The following CSMD1 variants were observed in gnomAD, a reference collection of about 807,000 sequenced individuals.
CSMD1 encodes the protein CUB and Sushi multiple domains 1.
Under a neutral mutation model 417.5 loss-of-function variants are expected in CSMD1, and 213 were observed. The observed-to-expected ratio is 0.51, with a 90% confidence interval of 0.46 to 0.57. The LOEUF is 0.57. Among genes scored for constraint, CSMD1 ranks in the 20% least tolerant of loss-of-function variants. CSMD1 has a pLI of 0.00. For missense variants in CSMD1, 6,923 were observed against 4,529.7 expected (o/e 1.53, Z -15.17); for synonymous variants, 2,862 against 1,736.8 (o/e 1.65, Z -16.11).
chr8:4,276,206 G>C lies in CSMD1; in HGVS notation c.415+143747C>G, dbSNP rs559692195. Among the ~76,000 whole-genome samples the C allele has an allele frequency of 5.9e-5, 9 of 152,154 alleles. No individual in the cohort carries two copies. In the South Asian group the frequency reaches 1.5e-3, roughly 25 times the overall value. ...TTGCAGCACTGTTCACAATAGCAAAGACCTGGAACTAACGCAAATGCCCAT... is the reference window on the plus strand; with the variant it reads ...TTGCAGCACTGTTCACAATAGCAAACACCTGGAACTAACGCAAATGCCCAT... On this transcript the variant is annotated intron_variant, in intron 3 of 69. Coordinates refer to ENST00000635120, the MANE Select transcript of CSMD1 (RefSeq NM_033225.6).
At chr8:3,182,841 G>GGGGGGTGTGTGTGTGTGTGTGTGTGT (rs768081848) in intron 36 of CSMD1, 7 of 11,478 alleles carry the variant, frequency 6.1e-4, no homozygotes, top group South Asian at 8.1e-3. Flanking sequence ...TTTATAAGAA[G>GGGGGGTGTGTGTGTGTGTGTGTGTGT]GTGTGTGTGT....
chr8:3,225,137 C>T (rs775898101), intron 27 of CSMD1, among the ~76,000 whole-genome samples: 1 of 152,154 alleles, frequency 6.6e-6, no homozygotes, highest in Admixed American at 6.5e-5. Flanking sequence ...GATGAAGGAA[C>T]ATGCTTCACA....
intron 3 of CSMD1, among the ~76,000 whole-genome samples, chr8:4,083,873 G>A (rs890491942): frequency 1.1e-4 from 16 of 152,240 alleles, no homozygotes; most frequent in African/African-American, 3.4e-4. Context: ...CTTCTGCACA[G>A]CAAAAGAAAC....
chr8:4,119,522 G>A (rs1802356884), intron 3 of CSMD1, among the ~76,000 whole-genome samples: 2 of 152,150 alleles, frequency 1.3e-5, no homozygotes, highest in Admixed American at 6.5e-5. Context: ...TAGGTGGGGT[G>A]CTTGGGAAAT....
chr8:3,506,805 T>C (rs1383190808), intron 10 of CSMD1, among the ~76,000 whole-genome samples: 1 of 152,216 alleles, frequency 6.6e-6, no homozygotes, highest in Non-Finnish European at 1.5e-5. Flanking sequence ...ACCTGGATTT[T>C]TTAAATGCTT....
At chr8:3,232,367 C>G (rs1231679312) in intron 26 of CSMD1, among the ~76,000 whole-genome samples, 1 of 152,176 alleles carries the variant, frequency 6.6e-6, no homozygotes, top group Non-Finnish European at 1.5e-5. Context: ...GTCTCTCTCC[C>G]CCTTGCTTGT....
At chr8:4,250,441 C>T (rs566766716) in intron 3 of CSMD1, among the ~76,000 whole-genome samples, 6 of 151,970 alleles carry the variant, frequency 3.9e-5, no homozygotes, top group Admixed American at 6.6e-5. Context: ...GGGGAACATG[C>T]GTAATACATG....
chr8:4,035,197 A>G (rs1585176257), intron 3 of CSMD1, among the ~76,000 whole-genome samples: 1 of 152,260 alleles, frequency 6.6e-6, no homozygotes, highest in Admixed American at 6.5e-5. Context: ...ATGAGGTCGT[A>G]GTGCCAGCTA....
At chr8:4,309,190 C>T (rs10503251) in intron 3 of CSMD1, among the ~76,000 whole-genome samples, 96,130 of 151,834 alleles carry the variant, frequency 0.63, 31,399 homozygotes, top group East Asian at 0.86. Flanking sequence ...CTGAAGGTTA[C>T]TTTCAATTCC....
At chr8:3,780,690 G>C (rs767153286) in intron 5 of CSMD1, among the ~76,000 whole-genome samples, 1 of 152,194 alleles carries the variant, frequency 6.6e-6, no homozygotes, top group African/African-American at 2.4e-5. Flanking sequence ...GTTGTCGGCA[G>C]AAAGAGCCCA....
intron 3 of CSMD1, among the ~76,000 whole-genome samples, chr8:4,099,732 C>G (rs543881133): frequency 6.6e-6 from 1 of 152,144 alleles, no homozygotes; most frequent in African/African-American, 2.4e-5. Flanking sequence ...GCTTTCTCCC[C>G]TCCTTAAAAC....
intron 3 of CSMD1, among the ~76,000 whole-genome samples, chr8:4,097,333 T>C (rs929616817): frequency 2.0e-5 from 3 of 152,188 alleles, no homozygotes; most frequent in African/African-American, 7.2e-5. Flanking sequence ...TTTGCCTCAG[T>C]TGACACCTTT....
rs184480991 is a variant in CSMD1 at position 3,232,687 on chromosome 8, G to T, written c.4154-2456C>A. ...AATTGTCTTTTAATTGGATAGTTTA[G>T]TCTCCTTATGTGCCCTGAAGTTCCT... is the stretch of plus-strand genomic sequence containing the variant. On this transcript the variant is annotated intron_variant, in intron 26 of 69. Transcript: ENST00000635120. 3.3e-5 allele frequency among the ~76,000 whole-genome samples: 5 copies of T among 152,120 alleles called. No homozygotes were observed. The East Asian group carries it at 9.7e-4, about 29-fold the overall frequency.
At chr8:4,549,392 C>G (rs1227902071) in intron 2 of CSMD1, among the ~76,000 whole-genome samples, 1 of 152,142 alleles carries the variant, frequency 6.6e-6, no homozygotes, top group Non-Finnish European at 1.5e-5. Flanking sequence ...AAACAAAACA[C>G]AGTAACAGTT....
At chr8:3,888,100 C>G (rs2627349) in intron 5 of CSMD1, among the ~76,000 whole-genome samples, 142,336 of 152,258 alleles carry the variant, frequency 0.93, 66,632 homozygotes, top group Middle Eastern at 0.98. Context: ...AATTAAAAAC[C>G]AACGCTCCTT....
chr8:4,934,082 G>C (rs1452477840), intron 1 of CSMD1, among the ~76,000 whole-genome samples: 2 of 152,044 alleles, frequency 1.3e-5, no homozygotes, highest in African/African-American at 4.8e-5. Context: ...CATGAACTGA[G>C]AACTTTGAGG....
chr8:4,782,718 A>T (rs1797214037), intron 1 of CSMD1, among the ~76,000 whole-genome samples: 1 of 152,070 alleles, frequency 6.6e-6, no homozygotes, highest in Non-Finnish European at 1.5e-5. Context: ...CTTTAATTTG[A>T]ATCCAAAAAA....
rs1013925685 is a variant in CSMD1 at position 4,706,008 on chromosome 8, A to G, written c.86-68450T>C. On this transcript the variant is annotated intron_variant, in intron 1 of 69. Coordinates refer to ENST00000635120, the MANE Select transcript of CSMD1 (RefSeq NM_033225.6). ...TTTATGAACTGTAATTTTTTTCAAT[A>G]TTTTAAAAATAAACAGTAATGTATT... Among the ~76,000 whole-genome samples the G allele has an allele frequency of 7.3e-5, 11 of 150,752 alleles. No individual in the cohort carries two copies. In the Admixed American group the frequency reaches 7.3e-4, roughly 10 times the overall value.
intron 3 of CSMD1, among the ~76,000 whole-genome samples, chr8:4,327,455 G>A (rs570838653): frequency 6.6e-5 from 10 of 152,170 alleles, no homozygotes; most frequent in Admixed American, 2.6e-4. Context: ...CAGCCTCCAG[G>A]TTGCTGCCTG....
Sources: allele counts gnomAD v4.1 joint callset (sites outside exome capture counted in the v4.1 genomes callset), GRCh38; gene constraint gnomAD v4.1.1; transcripts MANE v1.5; gene names NCBI Gene and HGNC (gene_info 2026-07-23, HGNC 2026-07-21).